Variants in PJA2 observed in about 807,000 individuals in gnomAD.
PJA2 encodes E3 ubiquitin-protein ligase Praja-2.
Under a neutral mutation model 69.3 loss-of-function variants are expected in PJA2, and 25 were observed. The observed-to-expected ratio is 0.36, with a 90% confidence interval of 0.26 to 0.50. The LOEUF (loss-of-function observed/expected upper bound fraction) is 0.50, where lower values mean the gene tolerates loss of function less well. PJA2 is among the 20% of genes least tolerant of loss of function. The probability of loss-of-function intolerance (pLI) is 0.96; values close to 1 mark genes in which losing one functional copy is unlikely to be tolerated. For synonymous variants in PJA2, 308 were observed against 277.8 expected (o/e 1.11, Z -1.08); for missense variants, 809 against 830.2 (o/e 0.97, Z 0.31).
At chr5:109,338,188 G>GT (rs1056342454) in intron 9 of PJA2, among the ~76,000 whole-genome samples, 2 of 152,104 alleles carry the variant, frequency 1.3e-5, no homozygotes, top group African/African-American at 2.4e-5. Context: ...ACAAAGAACT[G>GT]TATCTTGGGA....
chr5:109,385,390 T>G (rs1747133843), intron 1 of PJA2, among the ~76,000 whole-genome samples: 1 of 152,098 alleles, frequency 6.6e-6, no homozygotes, highest in African/African-American at 2.4e-5. Flanking sequence ...TAATATAGGA[T>G]ATGAAAGAAG....
chr5:109,338,228 G>T (rs1399456108), intron 9 of PJA2, among the ~76,000 whole-genome samples: 1 of 152,164 alleles, frequency 6.6e-6, no homozygotes, highest in East Asian at 1.9e-4. Flanking sequence ...AGCAGGAAAG[G>T]CTTCACACTA....
Position 109,334,769 on chromosome 5 carries a change from G to A in PJA2, c.*2462C>T, listed in dbSNP as rs1404887175. 1 of 152,418 alleles carries A rather than the reference G, an allele frequency of 6.6e-6. No homozygotes were observed. Among genetic ancestry groups the A allele is most frequent in the Non-Finnish European group, 1.5e-5 (1 of 68,000 alleles). The allele number at this position is 152,418 out of a possible 1,614,324, so 9.4% of individuals were successfully genotyped here. ...GTTTATGATTTACACAGAAAATGAT[G>A]GGCTGGGGTTATAGAACAATAAACC... On this transcript the variant is annotated 3_prime_UTR_variant, in exon 10 of 10. Transcript: ENST00000361189.
chr5:109,344,216 G>A lies in PJA2; in HGVS notation c.1975C>T (p.Pro659Ser). 1.2e-6 allele frequency: 2 copies of A among 1,608,532 alleles called. No individual in the cohort carries two copies. Among genetic ancestry groups the A allele is most frequent in the Middle Eastern group, 1.7e-4 (1 of 6,038 alleles). Reference sequence around the variant, plus strand: ...TTTTGTAGCCAAATTGAGACACAAGGTTTGTGAAAGAAATGGTGACAGGGC... The same window carrying A: ...TTTTGTAGCCAAATTGAGACACAAGATTTGTGAAAGAAATGGTGACAGGGC... ...ELPCHHFFHK[P>S]CVSIWLQKSG... The change falls in exon 9 of 10, where the codon CCT becomes TCT. Residue 659 changes from proline (P) to serine (S), a missense_variant. By Grantham distance (74) the Pro-to-Ser change is moderately conservative. Transcript: ENST00000361189.
chr5:109,345,199 A>C (rs1268657252), intron 7 of PJA2, among the ~76,000 whole-genome samples: 148 of 150,912 alleles, frequency 9.8e-4, no homozygotes, highest in African/African-American at 3.3e-3. Context: ...AAAAAAAAAA[A>C]AACAAAATTA....
intron 4 of PJA2, among the ~76,000 whole-genome samples, chr5:109,370,876 T>A (rs1052182456): frequency 1.3e-5 from 2 of 152,174 alleles, no homozygotes; most frequent in African/African-American, 2.4e-5. Flanking sequence ...CAGAATATGA[T>A]CCTGTCCAAA....
rs1747079367 is a variant in PJA2, at chr5:109,382,734, G to C, written c.31+669C>G. On this transcript the variant is annotated intron_variant, in intron 2 of 9. Transcript: ENST00000361189. ...GTGGTGGCACATGCCCATAATTCCAGCTACTCAGGAAGCTGAGGCATGAGA... is the reference window on the plus strand; with the variant it reads ...GTGGTGGCACATGCCCATAATTCCACCTACTCAGGAAGCTGAGGCATGAGA... 2.6e-5 allele frequency among the ~76,000 whole-genome samples: 4 copies of C among 152,010 alleles called. No individual in the cohort carries two copies. The South Asian group carries it at 8.3e-4, about 32-fold the overall frequency.
At chr5:109,390,793 GGAT>G (rs1315291427) in intron 1 of PJA2, 1 of 151,946 alleles carries the variant, frequency 6.6e-6, no homozygotes, top group Admixed American at 6.6e-5. Flanking sequence ...GATGTATGCT[GGAT>G]GATATTTCCT....
intron 1 of PJA2, among the ~76,000 whole-genome samples, chr5:109,407,520 C>A (rs1391095113): frequency 6.6e-6 from 1 of 152,054 alleles, no homozygotes; most frequent in African/African-American, 2.4e-5. Context: ...GCTATCAGTG[C>A]TATTAGTTTT....
At position 109,388,302 on chromosome 5, in the gene PJA2, A is replaced by G. The variant is rs1747204396; in HGVS notation, c.-87-4782T>C. On this transcript the variant is annotated intron_variant, in intron 1 of 9. Coordinates refer to ENST00000361189, the MANE Select transcript of PJA2 (RefSeq NM_014819.5). ...ACAGCCACATGGATGAGCAACCTGG[A>G]AAGGGTAATGCCCTAGTGCATTACC... Among the ~76,000 whole-genome samples the G allele has an allele frequency of 1.3e-5, 2 of 152,128 alleles. 1 individual carries two copies. Among genetic ancestry groups the G allele is most frequent in the South Asian group, 4.1e-4 (2 of 4,826 alleles).
At chr5:109,369,195 A>G (rs1762632339) in intron 4 of PJA2, among the ~76,000 whole-genome samples, 1 of 152,146 alleles carries the variant, frequency 6.6e-6, no homozygotes, top group East Asian at 1.9e-4. Flanking sequence ...ACCCAGTCTC[A>G]GGTGTTTGTT....
At chr5:109,385,898 C>A (rs186358210) in intron 1 of PJA2, among the ~76,000 whole-genome samples, 2 of 150,706 alleles carry the variant, frequency 1.3e-5, no homozygotes, top group African/African-American at 2.4e-5. Context: ...ACACATCTTA[C>A]ACACACAGTC....
At chr5:109,348,472 T>G (rs975553044) in intron 7 of PJA2, among the ~76,000 whole-genome samples, 2 of 152,180 alleles carry the variant, frequency 1.3e-5, no homozygotes, top group Admixed American at 1.3e-4. Context: ...AAACCTGGAA[T>G]GAAGACATCT....
intron 3 of PJA2, among the ~76,000 whole-genome samples, chr5:109,380,994 A>G (rs909924261): frequency 5.3e-5 from 8 of 151,868 alleles, no homozygotes; most frequent in Admixed American, 4.6e-4. Flanking sequence ...AAACACCTGT[A>G]ATCCCAGCTA....
At chr5:109,361,623 C>T (rs527417434) in intron 6 of PJA2, among the ~76,000 whole-genome samples, 6 of 152,190 alleles carry the variant, frequency 3.9e-5, no homozygotes, top group South Asian at 2.1e-4. Flanking sequence ...GACACAGAAA[C>T]GGAGGAAAAG....
chr5:109,356,170 T>C (rs1039329670), intron 6 of PJA2, 144 bp from the exon 7 acceptor site: 16 of 597,774 alleles, frequency 2.7e-5, no homozygotes, highest in African/African-American at 2.0e-4. Context: ...TACCAACTTG[T>C]AGGGTTAGGG....
chr5:109,368,131 C>A (rs1762616048), intron 5 of PJA2, among the ~76,000 whole-genome samples: 1 of 152,174 alleles, frequency 6.6e-6, no homozygotes, highest in Non-Finnish European at 1.5e-5. Flanking sequence ...TCATCAATCA[C>A]TGATATTTTG....
chr5:109,394,966 A>G (rs753273349), intron 1 of PJA2, among the ~76,000 whole-genome samples: 2 of 152,152 alleles, frequency 1.3e-5, no homozygotes, highest in East Asian at 1.9e-4. Flanking sequence ...CAAAGCCACA[A>G]CTCAACCTCA....
intron 1 of PJA2, among the ~76,000 whole-genome samples, chr5:109,384,092 A>G (rs560220036): frequency 2.0e-5 from 3 of 152,248 alleles, no homozygotes; most frequent in Non-Finnish European, 4.4e-5. Context: ...CAACACATAC[A>G]TAATTTGTAA....
Sources: gnomAD v4.1 joint callset for allele counts (sites outside exome capture counted in the v4.1 genomes callset) on GRCh38, gnomAD v4.1.1 for gene constraint, MANE v1.5 for transcripts, NCBI Gene and HGNC (gene_info 2026-07-23, HGNC 2026-07-21) for gene names.